The following EML4 variants were observed in gnomAD, a reference collection of about 807,000 sequenced individuals.
EML4 encodes the protein EMAP like 4, also known as echinoderm microtubule-associated protein-like 4.
EML4 carries 72 observed loss-of-function variants against 129.0 expected under a neutral mutation model. That is an observed-to-expected ratio of 0.56 (90% CI 0.46 to 0.68). The LOEUF (loss-of-function observed/expected upper bound fraction) is 0.68, where lower values mean the gene tolerates loss of function less well. Among genes scored for constraint, EML4 ranks in the 30% least tolerant of loss-of-function variants. The pLI, the probability that EML4 is intolerant of heterozygous loss-of-function variation, is 0.00. For missense variants in EML4, 1,363 were observed against 1,190.6 expected (o/e 1.14, Z -2.13); for synonymous variants, 532 against 405.0 (o/e 1.31, Z -3.77).
chr2:42,237,971 C>CA (rs1674780026), intron 1 of EML4, among the ~76,000 whole-genome samples: 1 of 152,106 alleles, frequency 6.6e-6, no homozygotes, highest in Non-Finnish European at 1.5e-5. Context: ...ATGGTTATGC[C>CA]AAAAAACAAC....
intron 17 of EML4, among the ~76,000 whole-genome samples, chr2:42,304,916 C>T (rs1446479240): frequency 2.6e-5 from 4 of 152,024 alleles, no homozygotes; most frequent in African/African-American, 9.7e-5. Context: ...GTCAGGAGTT[C>T]GAAACCAGCC....
At chr2:42,270,209 A>G (rs1329835423) in intron 6 of EML4, among the ~76,000 whole-genome samples, 2 of 152,186 alleles carry the variant, frequency 1.3e-5, no homozygotes, top group East Asian at 3.8e-4. Flanking sequence ...GAAAGGAAGG[A>G]CAGTTGCCTC....
chr2:42,325,690 A>G, intron 20 of EML4, 136 bp downstream of exon 20: 1 of 241,338 alleles, frequency 4.1e-6, no homozygotes, highest in Non-Finnish European at 7.6e-6. Context: ...ATGGAATCTG[A>G]ATTGTGCAGA....
At chr2:42,179,844 C>A (rs951797002) in intron 1 of EML4, among the ~76,000 whole-genome samples, 4 of 152,078 alleles carry the variant, frequency 2.6e-5, no homozygotes, top group Admixed American at 2.6e-4. Context: ...CCAAGTGATC[C>A]ACCCACCTAG....
At chr2:42,214,681 A>G (rs1017854007) in intron 1 of EML4, among the ~76,000 whole-genome samples, 3 of 152,142 alleles carry the variant, frequency 2.0e-5, no homozygotes, top group African/African-American at 7.2e-5. Flanking sequence ...ACATGGTGAT[A>G]TGCAGCTGGA....
chr2:42,295,066 T>C, intron 11 of EML4, 59 bp from the exon 12 acceptor site: 1 of 1,426,948 alleles, frequency 7.0e-7, no homozygotes, highest in African/African-American at 1.4e-5. Context: ...GTAATTGAAT[T>C]GATACTTGAA....
chr2:42,254,848 C>A (rs1282010187), intron 2 of EML4, among the ~76,000 whole-genome samples: 1 of 152,008 alleles, frequency 6.6e-6, no homozygotes, highest in Non-Finnish European at 1.5e-5. Context: ...ATGTTTATGG[C>A]AGCACTATTC....
intron 1 of EML4, among the ~76,000 whole-genome samples, chr2:42,196,209 T>G (rs12465910): frequency 0.34 from 51,864 of 151,968 alleles, 9,100 homozygotes; most frequent in East Asian, 0.56. Flanking sequence ...CAGTCATTAA[T>G]GAGTGAATTA....
At chr2:42,289,789 C>G (rs940939048) in intron 11 of EML4, 2 of 151,812 alleles carry the variant, frequency 1.3e-5, no homozygotes, top group African/African-American at 4.8e-5. Context: ...TTAATCTGGC[C>G]AGGGGTAGTC....
At chr2:42,229,478 T>C (rs1302794892) in intron 1 of EML4, among the ~76,000 whole-genome samples, 1 of 152,178 alleles carries the variant, frequency 6.6e-6, no homozygotes, top group South Asian at 2.1e-4. Context: ...GGAACAGTTA[T>C]GTTAGTAAAA....
chr2:42,313,786 G>T (rs1669089338), intron 17 of EML4, among the ~76,000 whole-genome samples: 1 of 151,926 alleles, frequency 6.6e-6, no homozygotes, highest in African/African-American at 2.4e-5. Flanking sequence ...AAAATTATCT[G>T]GGCGTGGTGG....
chr2:42,201,595 C>G (rs760739565), intron 1 of EML4, among the ~76,000 whole-genome samples: 67 of 152,094 alleles, frequency 4.4e-4, no homozygotes, highest in Non-Finnish European at 8.8e-4. Flanking sequence ...ATATGGAAAC[C>G]ATGGAAGTGC....
intron 19 of EML4, among the ~76,000 whole-genome samples, chr2:42,321,922 C>G (rs1669545164): frequency 1.3e-5 from 2 of 152,176 alleles, no homozygotes; most frequent in African/African-American, 4.8e-5. Context: ...TAACTAAGAT[C>G]TGAAAGAATT....
intron 21 of EML4, among the ~76,000 whole-genome samples, chr2:42,327,173 G>A (rs568006978): frequency 6.6e-6 from 1 of 152,326 alleles, no homozygotes; most frequent in South Asian, 2.1e-4. Flanking sequence ...GCATACATCA[G>A]TACTTTACTC....
intron 1 of EML4, among the ~76,000 whole-genome samples, chr2:42,200,731 A>G (rs1050182272): frequency 6.6e-6 from 1 of 152,198 alleles, no homozygotes; most frequent in Non-Finnish European, 1.5e-5. Context: ...AATGTTTTAT[A>G]TCTTTTTTGG....
chr2:42,235,295 C>T (rs575647870), intron 1 of EML4, among the ~76,000 whole-genome samples: 18 of 121,836 alleles, frequency 1.5e-4, no homozygotes, highest in African/African-American at 4.6e-4. Context: ...AACTCCATCT[C>T]AAAAAAAAAA....
intron 2 of EML4, among the ~76,000 whole-genome samples, chr2:42,255,230 C>T (rs1418967094): frequency 3.9e-5 from 6 of 152,018 alleles, no homozygotes; most frequent in African/African-American, 7.2e-5. Flanking sequence ...GGACTACAGG[C>T]GCTCGCCACC....
Position 42,202,650 on chromosome 2 carries a change from C to A in EML4, c.25+33014C>A, listed in dbSNP as rs144718674. 5.6e-4 allele frequency among the ~76,000 whole-genome samples: 86 copies of A among 152,268 alleles called. 2 individuals carry two copies. In the East Asian group the frequency reaches 0.015, roughly 27 times the overall value. The stretch of plus-strand genomic sequence containing the variant: ...GAGAAAGATGGAGGCCAGAAGACTA[C>A]ATCAGTCTAGTCTTTCCATGTTCTT... On this transcript the variant is annotated intron_variant, in intron 1 of 22. Transcript: ENST00000318522.
intron 11 of EML4, among the ~76,000 whole-genome samples, chr2:42,293,441 T>C (rs1293308571): frequency 6.6e-6 from 1 of 152,084 alleles, no homozygotes; most frequent in Non-Finnish European, 1.5e-5. Context: ...TATGTGCTTA[T>C]GCAAAGGCCC....
Sources: gnomAD v4.1 joint callset for allele counts (sites outside exome capture counted in the v4.1 genomes callset) on GRCh38, gnomAD v4.1.1 for gene constraint, MANE v1.5 for transcripts, NCBI Gene and HGNC (gene_info 2026-07-23, HGNC 2026-07-21) for gene names.